DDX39B: variants seen among roughly 807,000 people sequenced by gnomAD.
DDX39B encodes the protein spliceosome RNA helicase DDX39B.
DDX39B carries 6 observed loss-of-function variants against 46.4 expected under a neutral mutation model. The ratio of observed to expected loss-of-function variants is 0.13; its 90% CI spans 0.07 to 0.26. DDX39B has a LOEUF of 0.26. Ranked by LOEUF, DDX39B falls within the 10% of genes least tolerant of loss-of-function variation. DDX39B has a pLI of 1.00. For missense variants in DDX39B, 185 were observed against 553.4 expected, an observed-to-expected ratio of 0.33 and a Z score of 6.68; for synonymous variants, 174 against 199.4, an observed-to-expected ratio of 0.87 and a Z score of 1.07.
chr6:31,532,958 G>T, intron 6 of DDX39B, 47 bp from the exon 7 acceptor site: 1 of 283,034 alleles, frequency 3.5e-6, no homozygotes, highest in East Asian at 1.6e-4. Context: ...GCAGAGTGGG[G>T]GGGTTAAACC....
At position 31,531,975 on chromosome 6, in the gene DDX39B, G is replaced by A. The variant is rs898519176; in HGVS notation, c.868-570C>T. Among the ~76,000 whole-genome samples, 13 of 151,860 alleles carry A rather than the reference G, an allele frequency of 8.6e-5. No homozygotes were observed. Among genetic ancestry groups the A allele is most frequent in the African/African-American group, 2.2e-4 (9 of 41,306 alleles). ...TGGGACCACAGGTGCACACCACCAC[G>A]CCCAGCTACTTTTTTTATTTTTTAT... On this transcript the variant is annotated intron_variant, in intron 7 of 10. Transcript: ENST00000396172. This position sits in a 1 kb window ranked among gnomAD's most constrained non-coding sequence, Gnocchi z 5.8.
rs757158055 is a variant in DDX39B, at chr6:31,536,619, G to C, written c.497C>G (p.Pro166Arg). 2.5e-6 allele frequency: 4 copies of C among 1,613,090 alleles called. No individual in the cohort carries two copies. The highest frequency in any genetic ancestry group is 1.7e-6 in the Non-Finnish European group (2 of 1,180,018). ...KDEEVLKKNC[P>R]HIVVGTPGRI... ...GCCTGGAGTCCCCACGACGATATGCGGGCAGTTCTTCTTCAGCACCTCTTC... is the reference window on the plus strand; with the variant it reads ...GCCTGGAGTCCCCACGACGATATGCCGGCAGTTCTTCTTCAGCACCTCTTC... The change falls in exon 5 of 11, where the codon CCG (proline) becomes CGG (arginine). Residue 166 changes from proline (P) to arginine (R), a missense_variant. Physicochemically the swap from Pro to Arg is moderately radical, Grantham distance 103. Transcript: ENST00000396172.
intron 4 of DDX39B, among the ~76,000 whole-genome samples, chr6:31,538,340 G>C (rs762678645): frequency 1.3e-5 from 2 of 152,050 alleles, no homozygotes; most frequent in Non-Finnish European, 2.9e-5. Flanking sequence ...ATTTTTAGTA[G>C]AGAGAGGGTT....
rs1562411109 is a variant in DDX39B, at chr6:31,534,504, CTCT to C, written c.735+860_735+862del. On this transcript the variant is annotated intron_variant, in intron 6 of 10. Coordinates refer to ENST00000396172, the MANE Select transcript of DDX39B (RefSeq NM_004640.7). The surrounding 1 kb of genome is among the most constrained non-coding windows in gnomAD (Gnocchi z 5.1). ...ACTTTACCTTTCCTATGTCCCTCTC[CTCT>C]GAGTATTAAAAAAAACAAAAAAATT... The C allele has an allele frequency of 6.4e-6, 3 of 470,490 alleles. No homozygotes were observed. The highest frequency in any genetic ancestry group is 4.7e-5 in the Admixed American group (2 of 42,456). 29.1% of individuals were successfully genotyped at this position (470,490 alleles called of 1,614,324 possible). A position where few individuals can be genotyped will look rare whatever the true frequency, so the allele number is the denominator to read the frequency against.
At chr6:31,541,242 G>A (rs1192392127) in intron 1 of DDX39B, 1 of 532,728 alleles carries the variant, frequency 1.9e-6, no homozygotes, top group Non-Finnish European at 3.9e-6. Flanking sequence ...CGCTGTTTAA[G>A]CAAGCCTTGT....
Position 31,534,514 on chromosome 6 carries a change from T to TA in DDX39B, c.735+852dup, listed in dbSNP as rs577149372. 4.8e-4 allele frequency: 226 copies of TA among 469,152 alleles called. No individual in the cohort carries two copies. The highest frequency in any genetic ancestry group is 7.3e-4 in the Admixed American group (31 of 42,216). The allele number at this position is 469,152 out of a possible 1,614,324, so 29.1% of individuals were successfully genotyped here. On this transcript the variant is annotated intron_variant, in intron 6 of 10. Coordinates refer to ENST00000396172, the MANE Select transcript of DDX39B (RefSeq NM_004640.7). This position sits in a 1 kb window ranked among gnomAD's most constrained non-coding sequence, Gnocchi z 5.1. ...TCCTATGTCCCTCTCCTCTGAGTAT[T>TA]AAAAAAAACAAAAAAATTTTTTTAA...
chr6:31,532,925 AG>A lies in DDX39B; in HGVS notation c.736-15del. ...GATCTCCATTGGCTGGGGGGGAGGA[AG>A]GGGGTGGGGAACGGGAGGAGGGCAG... On this transcript the variant is annotated splice_polypyrimidine_tract_variant and intron_variant, in intron 6 of 10. Coordinates refer to ENST00000396172, the MANE Select transcript of DDX39B (RefSeq NM_004640.7). 2.6e-6 allele frequency: 1 copy of A among 385,926 alleles called. No homozygotes were observed. The highest frequency in any genetic ancestry group is 4.2e-6 in the Non-Finnish European group (1 of 235,338). 23.9% of individuals were successfully genotyped at this position (385,926 alleles called of 1,614,324 possible).
intron 4 of DDX39B, among the ~76,000 whole-genome samples, chr6:31,537,191 C>G (rs116646442): frequency 0.015 from 2,355 of 152,240 alleles, 29 homozygotes; most frequent in Middle Eastern, 0.095. Context: ...TTTGGGAGGT[C>G]AAGGAAAGTG....
intron 5 of DDX39B, chr6:31,536,270 A>G: frequency 1.5e-6 from 1 of 655,598 alleles, no homozygotes; most frequent in Non-Finnish European, 2.7e-6. Flanking sequence ...AAAATTATCA[A>G]AGTCCCCTAT....
intron 4 of DDX39B, among the ~76,000 whole-genome samples, chr6:31,537,581 A>G (rs1038037880): frequency 2.0e-5 from 3 of 152,230 alleles, no homozygotes; most frequent in African/African-American, 4.8e-5. Context: ...TTCGGGCTAA[A>G]TATTATCATT....
Position 31,532,911 on chromosome 6 carries a change from G to T in DDX39B, c.736C>A (p.Pro246Thr). ...RPVCRKFMQDPMEIFVDDETK... is the reference protein window; with the variant it reads ...RPVCRKFMQDTMEIFVDDETK... ...TCATCATCCACGAAGATCTCCATTG[G>T]CTGGGGGGGAGGAAGGGGGTGGGGA... Residue 246 changes from proline (P) to threonine (T), a missense_variant and splice_region_variant, in exon 7 of 11, where the codon CCA (proline) becomes ACA (threonine). Pro to Thr is a conservative substitution (Grantham distance 38). Transcript: ENST00000396172. 1 of 1,451,768 alleles carries T rather than the reference G, an allele frequency of 6.9e-7. No homozygotes were observed. The highest frequency in any genetic ancestry group is 9.4e-7 in the Non-Finnish European group (1 of 1,068,948). The allele number at this position is 1,451,768 out of a possible 1,614,324, so 89.9% of individuals were successfully genotyped here. A position where few individuals can be genotyped will look rare whatever the true frequency, so the allele number is the denominator to read the frequency against.
At chr6:31,538,733 T>C in intron 4 of DDX39B, 30 bp downstream of exon 4, 2 of 1,590,450 alleles carry the variant, frequency 1.3e-6, no homozygotes, top group South Asian at 1.1e-5. Flanking sequence ...TGCCACACCC[T>C]CACTCTCAGG....
rs1052756960 is a variant in DDX39B, at chr6:31,537,958, G to A, written c.432+805C>T. 2.6e-5 allele frequency among the ~76,000 whole-genome samples: 4 copies of A among 152,010 alleles called. No individual in the cohort carries two copies. The East Asian group carries it at 7.7e-4, about 29-fold the overall frequency. ...GTTGAGGCGGGAGAATCGCTTGAACGTGGGAGGCGCAGGTTGCAGTGAGCT... is the reference window on the plus strand; with the variant it reads ...GTTGAGGCGGGAGAATCGCTTGAACATGGGAGGCGCAGGTTGCAGTGAGCT... On this transcript the variant is annotated intron_variant, in intron 4 of 10. Transcript: ENST00000396172.
Position 31,535,666 on chromosome 6 carries a change from A to T in DDX39B, c.617-181T>A, listed in dbSNP as rs1253735802. ...CAGCTGTTTGTTTTAACCAAGCAAG[A>T]AATAAGGTAAAACCCCAAAGTTCCC... On this transcript the variant is annotated intron_variant, in intron 5 of 10. Coordinates refer to ENST00000396172, the MANE Select transcript of DDX39B (RefSeq NM_004640.7). The surrounding 1 kb of genome is among the most constrained non-coding windows in gnomAD (Gnocchi z 4.6). Among the ~76,000 whole-genome samples the T allele has an allele frequency of 6.6e-6, 1 of 152,144 alleles. No individual in the cohort carries two copies. Among genetic ancestry groups the T allele is most frequent in the Admixed American group, 6.5e-5 (1 of 15,280 alleles).
rs187497360 is a variant in DDX39B at position 31,539,294 on chromosome 6, G to A, written c.212-20C>T. 3.0e-4 allele frequency: 480 copies of A among 1,606,246 alleles called. No homozygotes were observed. The African/African-American group carries it at 3.6e-3, about 12-fold the overall frequency. ...GCTGGACTAAAAGTTGGGGGGGGAG[G>A]AAGATAAATTAGACTTCAGTCTCCA... On this transcript the variant is annotated intron_variant, in intron 2 of 10. Coordinates refer to ENST00000396172, the MANE Select transcript of DDX39B (RefSeq NM_004640.7).
In DDX39B at chr6:31,536,559, T is replaced by C. The variant is rs1303812682; in HGVS notation, c.557A>G (p.Asn186Ser). 6.2e-7 allele frequency: 1 copy of C among 1,613,222 alleles called. No individual in the cohort carries two copies. The highest frequency in any genetic ancestry group is 2.2e-5 in the East Asian group (1 of 44,886). ...AATAAAGTGTTTAATGTGTTTGAGG[T>C]TGAGGCTCTTATTTCGAGCCAGGGC... ...ILALARNKSLNLKHIKHFILD... is the reference protein window; with the variant it reads ...ILALARNKSLSLKHIKHFILD... The change falls in exon 5 of 11, where the codon AAC becomes AGC. Residue 186 changes from asparagine (N) to serine (S), a missense_variant. Asn to Ser is a conservative substitution (Grantham distance 46, BLOSUM62 1). Transcript: ENST00000396172.
chr6:31,536,576 A>G lies in DDX39B; in HGVS notation c.540T>C (p.Ala180=). The change falls in exon 5 of 11, where the codon GCT becomes GCC. Residue 180 remains alanine, a synonymous_variant. Transcript: ENST00000396172. ...GTTTGAGGTTGAGGCTCTTATTTCG[A>G]GCCAGGGCTAGGATACGGCCTGGAG... ...VGTPGRILAL[A]RNKSLNLKHI... 6.2e-7 allele frequency: 1 copy of G among 1,613,250 alleles called. No homozygotes were observed. Among genetic ancestry groups the G allele is most frequent in the Non-Finnish European group, 8.5e-7 (1 of 1,180,036 alleles).
At position 31,534,984 on chromosome 6, in the gene DDX39B, G is replaced by A; in HGVS notation, c.735+383C>T. ...GAGTTTTGGTGAGCAGAAGGCTCCA[G>A]CTGTACGCTCGATGCCACCTTGAGG... On this transcript the variant is annotated intron_variant, in intron 6 of 10. Transcript: ENST00000396172. This position sits in a 1 kb window ranked among gnomAD's most constrained non-coding sequence, Gnocchi z 5.1. 3.4e-6 allele frequency: 1 copy of A among 297,200 alleles called. No homozygotes were observed. The highest frequency in any genetic ancestry group is 3.6e-5 in the South Asian group (1 of 27,482). 18.4% of individuals were successfully genotyped at this position (297,200 alleles called of 1,614,324 possible).
At position 31,535,100 on chromosome 6, in the gene DDX39B, C is replaced by A. The variant is rs557816402; in HGVS notation, c.735+267G>T. ...CCCTCCCCCAAAGGGAGAAGAGGTT[C>A]AAAAATGTTGTGATTTATGAAAAAG... On this transcript the variant is annotated intron_variant, in intron 6 of 10. Transcript: ENST00000396172. This position sits in a 1 kb window ranked among gnomAD's most constrained non-coding sequence, Gnocchi z 4.6. 7.5e-6 allele frequency: 4 copies of A among 530,650 alleles called. No homozygotes were observed. The highest frequency in any genetic ancestry group is 5.7e-5 in the African/African-American group (3 of 52,632). The allele number at this position is 530,650 out of a possible 1,614,324, so 32.9% of individuals were successfully genotyped here.
Sources: gnomAD v4.1 joint callset for allele counts (sites outside exome capture counted in the v4.1 genomes callset) on GRCh38, gnomAD v4.1.1 for gene constraint, Gnocchi (gnomAD v3.1) non-coding constraint, MANE v1.5 for transcripts, NCBI Gene and HGNC (gene_info 2026-07-23, HGNC 2026-07-21) for gene names.